TMCO4: variants seen among roughly 807,000 people sequenced by gnomAD.
The protein encoded by TMCO4 is transmembrane and coiled-coil domains 4.
Under a neutral mutation model 64.7 loss-of-function variants are expected in TMCO4, and 58 were observed. The ratio of observed to expected loss-of-function variants is 0.90; its 90% CI spans 0.73 to 1.12. TMCO4 has a LOEUF of 1.12. Among genes scored for constraint, TMCO4 ranks in the 50% most tolerant of loss-of-function variants. The probability of loss-of-function intolerance (pLI) is 0.00; values close to 1 mark genes in which losing one functional copy is unlikely to be tolerated. For missense variants in TMCO4, 780 were observed against 825.9 expected (o/e 0.94, Z 0.68); for synonymous variants, 325 against 346.1 (o/e 0.94, Z 0.68).
chr1:19,765,506 G>C (rs141374840), intron 6 of TMCO4, among the ~76,000 whole-genome samples: 5 of 152,216 alleles, frequency 3.3e-5, no homozygotes, highest in Admixed American at 6.5e-5. Flanking sequence ...CTGGCACCTA[G>C]TGGGTAGAGG....
chr1:19,740,892 G>A lies in TMCO4; in HGVS notation c.927C>T (p.Tyr309=). The A allele has an allele frequency of 6.2e-7, 1 of 1,614,066 alleles. No homozygotes were observed. Among genetic ancestry groups the A allele is most frequent in the Non-Finnish European group, 8.5e-7 (1 of 1,179,994 alleles). The change falls in exon 11 of 16, where the codon TAC becomes TAT. Residue 309 remains tyrosine (Y), a synonymous_variant. Transcript: ENST00000294543. Reference sequence around the variant, plus strand: ...GGTACTTGGCTTCCCAGGCCAGGCAGTACTGCTCACGGCTGTGGGCCAGGG... The same window carrying A: ...GGTACTTGGCTTCCCAGGCCAGGCAATACTGCTCACGGCTGTGGGCCAGGG... ...WAALAHSREQ[Y]CLAWEAKYLM... is the part of the protein sequence containing the mutation.
chr1:19,793,451 T>C (rs1278687500), intron 2 of TMCO4, among the ~76,000 whole-genome samples: 2 of 151,926 alleles, frequency 1.3e-5, no homozygotes, highest in South Asian at 2.1e-4. Context: ...AATAAGACAA[T>C]CTTGAGATGC....
At chr1:19,740,338 G>T (rs1213236650) in intron 11 of TMCO4, among the ~76,000 whole-genome samples, 1 of 152,182 alleles carries the variant, frequency 6.6e-6, no homozygotes, top group Non-Finnish European at 1.5e-5. Flanking sequence ...GTGCACCAGG[G>T]CTAGCCTCTT....
At chr1:19,715,058 G>A (rs576320958) in intron 13 of TMCO4, among the ~76,000 whole-genome samples, 9 of 152,052 alleles carry the variant, frequency 5.9e-5, no homozygotes, top group African/African-American at 2.2e-4. Context: ...CCTGGGCAAT[G>A]TAGGAAGTCC....
chr1:19,729,410 A>G (rs1433068118), intron 13 of TMCO4, among the ~76,000 whole-genome samples: 1 of 151,354 alleles, frequency 6.6e-6, no homozygotes, highest in Non-Finnish European at 1.5e-5. Context: ...GGCCTCCCAA[A>G]GTGCTGGGAT....
intron 13 of TMCO4, among the ~76,000 whole-genome samples, chr1:19,717,875 C>T (rs1469486839): frequency 6.6e-6 from 1 of 152,156 alleles, no homozygotes; most frequent in East Asian, 1.9e-4. Context: ...AGGTTGTAGG[C>T]TCTTTGAGGG....
rs2095460153 is a variant in TMCO4 at position 19,737,447 on chromosome 1, G to T, written c.1189C>A (p.Pro397Thr). The T allele has an allele frequency of 6.2e-7, 1 of 1,613,890 alleles. No individual in the cohort carries two copies. Among genetic ancestry groups the T allele is most frequent in the Admixed American group, 1.7e-5 (1 of 60,006 alleles). The change falls in exon 13 of 16, where the codon CCT becomes ACT. Residue 397 changes from proline (P) to threonine (T), a missense_variant. Physicochemically the swap from Pro to Thr is conservative, Grantham distance 38. Transcript: ENST00000294543. Reference sequence around the variant, plus strand: ...AGGCTGAAGCCAATCAAGGTGACAGGTCGTCGCCCCTGAAGGGAAAAAGGA... The same window carrying T: ...AGGCTGAAGCCAATCAAGGTGACAGTTCGTCGCCCCTGAAGGGAAAAAGGA... ...ILLSRQQGRR[P>T]VTLIGFSLGA... is the part of the protein sequence containing the mutation.
intron 7 of TMCO4, among the ~76,000 whole-genome samples, chr1:19,750,643 C>T (rs906855625): frequency 2.6e-5 from 4 of 152,198 alleles, no homozygotes; most frequent in African/African-American, 9.7e-5. Context: ...CACTTACGCC[C>T]TCTGTGTCCT....
Position 19,720,648 on chromosome 1 carries a change from A to T in TMCO4, c.1264+16724T>A, listed in dbSNP as rs111665446. 3.6e-3 allele frequency among the ~76,000 whole-genome samples: 552 copies of T among 152,284 alleles called. 3 individuals are homozygous for T. The highest frequency in any genetic ancestry group is 0.013 in the African/African-American group (527 of 41,526). ...GATGGGGCTTTGCATAAATAAATAA[A>T]TAAATACGTGTCTAAGAAAACGAGT... On this transcript the variant is annotated intron_variant, in intron 13 of 15. Transcript: ENST00000294543.
At chr1:19,776,497 C>G (rs2043210011) in intron 4 of TMCO4, among the ~76,000 whole-genome samples, 1 of 152,198 alleles carries the variant, frequency 6.6e-6, no homozygotes, top group Admixed American at 6.5e-5. Flanking sequence ...ACAAAGTACA[C>G]AAAGCTCTTC....
chr1:19,709,286 CG>C (rs59600503), intron 13 of TMCO4, among the ~76,000 whole-genome samples: 39,193 of 125,522 alleles, frequency 0.31, 5,371 homozygotes, highest in Admixed American at 0.34. Context: ...AACATCCCGG[CG>C]GGGGGGGGGG....
intron 15 of TMCO4, among the ~76,000 whole-genome samples, chr1:19,684,159 TTC>T (rs3048970): frequency 0.12 from 17,546 of 141,084 alleles, 1,193 homozygotes; most frequent in East Asian, 0.23. Context: ...GAGAGATGGG[TTC>T]TCTCTCTCTC....
intron 14 of TMCO4, among the ~76,000 whole-genome samples, chr1:19,697,268 T>TAC (rs1255321479): frequency 6.6e-6 from 1 of 152,142 alleles, no homozygotes; most frequent in Non-Finnish European, 1.5e-5. Flanking sequence ...ACTATATATA[T>TAC]ACGTTTTGAG....
intron 3 of TMCO4, among the ~76,000 whole-genome samples, chr1:19,784,209 C>CT: frequency 6.6e-6 from 1 of 152,082 alleles, no homozygotes; most frequent in Non-Finnish European, 1.5e-5. Context: ...CTTCTAACCA[C>CT]AGAGGTATGA....
At chr1:19,684,063 CTTTTTTTTTTTTTT>C (rs3048209) in intron 15 of TMCO4, among the ~76,000 whole-genome samples, 79 of 70,312 alleles carry the variant, frequency 1.1e-3, no homozygotes, top group African/African-American at 4.5e-3. Flanking sequence ...TGCCCGGCAG[CTTTTTTTTTTTTTT>C]TTTTTTTTTT....
In TMCO4 at chr1:19,682,984, A is replaced by G. The variant is rs2095113862; in HGVS notation, c.*56T>C. The G allele has an allele frequency of 3.9e-6, 6 of 1,522,932 alleles. No homozygotes were observed. Among genetic ancestry groups the G allele is most frequent in the Non-Finnish European group, 4.4e-6 (5 of 1,138,042 alleles). 94.3% of individuals were successfully genotyped at this position (1,522,932 alleles called of 1,614,324 possible). ...GAGCTCCTGGGAGGAACCCGAGGGT[A>G]TAAGAGAGAGCTGCATATGGAGACT... On this transcript the variant is annotated 3_prime_UTR_variant, in exon 16 of 16. Transcript: ENST00000294543.
At chr1:19,784,892 G>C (rs757628349) in intron 3 of TMCO4, among the ~76,000 whole-genome samples, 1 of 145,918 alleles carries the variant, frequency 6.9e-6, no homozygotes, top group Admixed American at 6.8e-5. Flanking sequence ...ACCTCATAAT[G>C]TTTTAAGAAA....
At chr1:19,683,758 CTTT>C (rs531431284) in intron 15 of TMCO4, among the ~76,000 whole-genome samples, 7 of 79,066 alleles carry the variant, frequency 8.9e-5, no homozygotes, top group African/African-American at 3.6e-4. Context: ...TTGTCTGAAG[CTTT>C]TTTTTTTTTT....
chr1:19,693,280 C>A (rs1288675065), intron 15 of TMCO4, among the ~76,000 whole-genome samples: 5 of 144,946 alleles, frequency 3.4e-5, no homozygotes, highest in African/African-American at 5.0e-5. Flanking sequence ...GTCAGGAGTT[C>A]AAGACCAGCC....
Sources: allele counts gnomAD v4.1 joint callset (sites outside exome capture counted in the v4.1 genomes callset), GRCh38; gene constraint gnomAD v4.1.1; transcripts MANE v1.5; gene names NCBI Gene and HGNC (gene_info 2026-07-23, HGNC 2026-07-21).